Variants in SLC25A32 observed in about 807,000 individuals in gnomAD.
SLC25A32 encodes Glycine auxotroph B, complementation of hamster.
In SLC25A32, 32 loss-of-function variants were observed where a neutral mutation model predicts 39.0. The observed-to-expected ratio is 0.82, with a 90% CI of 0.62 to 1.10. The LOEUF (loss-of-function observed/expected upper bound fraction) is 1.10, where lower values mean the gene tolerates loss of function less well. SLC25A32 is among the 50% of genes least tolerant of loss of function. The pLI is 0.00. For synonymous variants in SLC25A32, 166 were observed against 152.4 expected (o/e 1.09, Z -0.66); for missense variants, 367 against 395.3 (o/e 0.93, Z 0.61).
At chr8:103,409,608 T>G (rs1273734314) in intron 1 of SLC25A32, among the ~76,000 whole-genome samples, 2 of 152,182 alleles carry the variant, frequency 1.3e-5, no homozygotes, top group East Asian at 3.9e-4. Flanking sequence ...CCAGAAAGTT[T>G]ATACAAATTA....
At chr8:103,402,200 T>C (rs1156772592) in intron 4 of SLC25A32, 146 bp from the exon 5 acceptor site, 2 of 560,058 alleles carry the variant, frequency 3.6e-6, no homozygotes. Flanking sequence ...AAATATGGGG[T>C]TAAAAACTTG....
chr8:103,413,793 C>T (rs1816521064), intron 1 of SLC25A32, among the ~76,000 whole-genome samples: 1 of 152,174 alleles, frequency 6.6e-6, no homozygotes, highest in Non-Finnish European at 1.5e-5. Context: ...TATGGGAAAC[C>T]CCAAGCCCCA....
In SLC25A32 at chr8:103,400,536, C is replaced by T. The variant is rs369101845; in HGVS notation, c.823G>A (p.Val275Ile). ...VITKTWRKEGVGGFYKGIAPN... is the reference protein window; with the variant it reads ...VITKTWRKEGIGGFYKGIAPN... ...GCAATTCCCTTGTAAAATCCACCGACGCCTTCTTTCCTTTAGAGGGAAAAA... is the reference window on the plus strand; with the variant it reads ...GCAATTCCCTTGTAAAATCCACCGATGCCTTCTTTCCTTTAGAGGGAAAAA... Residue 275 changes from valine to isoleucine, a missense_variant, in exon 7 of 7, where the codon GTC (valine) becomes ATC (isoleucine). Physicochemically the swap from Val to Ile is conservative, Grantham distance 29. Coordinates refer to ENST00000297578, the MANE Select transcript of SLC25A32 (RefSeq NM_030780.5). 85 of 1,613,822 alleles carry T rather than the reference C, an allele frequency of 5.3e-5. No individual in the cohort carries two copies. Among genetic ancestry groups the T allele is most frequent in the African/African-American group, 6.7e-5 (5 of 74,894 alleles).
intron 1 of SLC25A32, among the ~76,000 whole-genome samples, chr8:103,412,828 C>A (rs1013887711): frequency 2.0e-5 from 3 of 152,162 alleles, no homozygotes; most frequent in African/African-American, 7.2e-5. Flanking sequence ...CACATGCATT[C>A]AGAATTAACC....
intron 1 of SLC25A32, among the ~76,000 whole-genome samples, chr8:103,410,768 G>T (rs930612641): frequency 4.6e-5 from 7 of 152,076 alleles, no homozygotes; most frequent in African/African-American, 1.7e-4. Context: ...ACAAGCTGAA[G>T]ATAAAAAGTT....
chr8:103,413,545 T>G (rs1482977990), intron 1 of SLC25A32, among the ~76,000 whole-genome samples: 1 of 152,200 alleles, frequency 6.6e-6, no homozygotes, highest in Non-Finnish European at 1.5e-5. Context: ...TGAATAGATT[T>G]ACAGGATAAT....
In SLC25A32 at chr8:103,403,183, C is replaced by G; in HGVS notation, c.533G>C (p.Gly178Ala). The change falls in exon 4 of 7, where the codon GGT becomes GCT. Residue 178 changes from glycine to alanine, a missense_variant. Physicochemically the swap from Gly to Ala is moderately conservative, Grantham distance 60. Transcript: ENST00000297578. Reference protein sequence around the residue: ...DTLVKIYKYEGVRGLYKGFVP... With the variant: ...DTLVKIYKYEAVRGLYKGFVP... The stretch of plus-strand genomic sequence containing the variant: ...TGTTACCTTATATAATCCACGCACA[C>G]CTTCATACTTATATATTTTCACAAG... 1 of 1,608,474 alleles carries G rather than the reference C, an allele frequency of 6.2e-7. No homozygotes were observed. Among genetic ancestry groups the G allele is most frequent in the East Asian group, 2.2e-5 (1 of 44,792 alleles).
chr8:103,404,080 G>A (rs894984955), intron 3 of SLC25A32, among the ~76,000 whole-genome samples: 2 of 152,038 alleles, frequency 1.3e-5, no homozygotes, highest in Non-Finnish European at 2.9e-5. Flanking sequence ...AAAGACTTAC[G>A]GCTCTTACTG....
chr8:103,407,332 T>C (rs1174535532), intron 2 of SLC25A32, among the ~76,000 whole-genome samples: 1 of 152,234 alleles, frequency 6.6e-6, no homozygotes, highest in East Asian at 1.9e-4. Flanking sequence ...TCTCTAAAAG[T>C]ATCATTCCAC....
intron 6 of SLC25A32, 58 bp downstream of exon 6, chr8:103,401,458 G>A: frequency 6.5e-7 from 1 of 1,544,228 alleles, no homozygotes; most frequent in African/African-American, 1.4e-5. Context: ...CAACAGGATG[G>A]TCTAAGATAT....
At chr8:103,401,380 C>G (rs1816214636) in intron 6 of SLC25A32, 136 bp downstream of exon 6, 2 of 688,270 alleles carry the variant, frequency 2.9e-6, no homozygotes, top group Non-Finnish European at 2.3e-6. Flanking sequence ...TACGTAATAA[C>G]TGGGAAAGCA....
chr8:103,409,202 C>A (rs533819771), intron 1 of SLC25A32, among the ~76,000 whole-genome samples: 1 of 152,108 alleles, frequency 6.6e-6, no homozygotes, highest in Non-Finnish European at 1.5e-5. Context: ...TAATCGGCAA[C>A]GGCATTCTAC....
chr8:103,412,261 T>TTAA (rs1298687683), intron 1 of SLC25A32, among the ~76,000 whole-genome samples: 1 of 152,222 alleles, frequency 6.6e-6, no homozygotes, highest in Non-Finnish European at 1.5e-5. Context: ...TTTTGGTTCC[T>TTAA]TAATATTTTG....
At position 103,414,602 on chromosome 8, in the gene SLC25A32, G is replaced by A. The variant is rs1410313929; in HGVS notation, c.154+182C>T. On this transcript the variant is annotated intron_variant, in intron 1 of 6. Coordinates refer to ENST00000297578, the MANE Select transcript of SLC25A32 (RefSeq NM_030780.5). ...CCCCCTCTCTTAGTCTTGAGGAGCG[G>A]GGAAGATCGCAGGCCGACCCCTCCA... The A allele has an allele frequency of 7.8e-6, 6 of 765,778 alleles. No individual in the cohort carries two copies. The East Asian group carries it at 1.1e-4, about 14-fold the overall frequency. 47.4% of individuals were successfully genotyped at this position (765,778 alleles called of 1,614,324 possible). A position where few individuals can be genotyped will look rare whatever the true frequency, so the allele number is the denominator to read the frequency against.
At chr8:103,407,880 ATAAACT>A (rs921725751) in intron 1 of SLC25A32, 96 bp from the exon 2 acceptor site, 1 of 962,216 alleles carries the variant, frequency 1.0e-6, no homozygotes, top group South Asian at 3.6e-5. Flanking sequence ...TATAAAGGAG[ATAAACT>A]TAGAAGAAAA....
chr8:103,401,891 T>A, intron 5 of SLC25A32, 50 bp downstream of exon 5: 2 of 1,484,754 alleles, frequency 1.3e-6, no homozygotes, highest in Non-Finnish European at 1.9e-6. Flanking sequence ...TTTCTACCTA[T>A]TAAATACCCA....
At chr8:103,406,414 G>C (rs561902630) in intron 2 of SLC25A32, among the ~76,000 whole-genome samples, 2 of 152,322 alleles carry the variant, frequency 1.3e-5, no homozygotes, top group East Asian at 3.9e-4. Flanking sequence ...CCTTATTCAT[G>C]GTTTCAGTTT....
Position 103,414,564 on chromosome 8 carries a change from C to T in SLC25A32, c.154+220G>A, listed in dbSNP as rs73699799. 4.3e-3 allele frequency: 2,684 copies of T among 620,446 alleles called. 49 individuals are homozygous for T. In the African/African-American group the frequency reaches 0.044, roughly 10 times the overall value. 38.4% of individuals were successfully genotyped at this position (620,446 alleles called of 1,614,324 possible). A position where few individuals can be genotyped will look rare whatever the true frequency, so the allele number is the denominator to read the frequency against. ...AATGAGGATGTTTTTTCTCAGACTT[C>T]TCTACATACATGCCCCCTCTCTTAG... On this transcript the variant is annotated intron_variant, in intron 1 of 6. Coordinates refer to ENST00000297578, the MANE Select transcript of SLC25A32 (RefSeq NM_030780.5).
At chr8:103,404,997 A>C (rs1445050049) in intron 2 of SLC25A32, 136 bp from the exon 3 acceptor site, 5 of 508,444 alleles carry the variant, frequency 9.8e-6, no homozygotes, top group African/African-American at 4.0e-5. Context: ...ACCTTTTTCA[A>C]GAATGAATTT....
Sources: allele counts gnomAD v4.1 joint callset (sites outside exome capture counted in the v4.1 genomes callset), GRCh38; gene constraint gnomAD v4.1.1; transcripts MANE v1.5; gene names NCBI Gene and HGNC (gene_info 2026-07-23, HGNC 2026-07-21).